PDE4D: variants seen among roughly 807,000 people sequenced by gnomAD.
The protein encoded by PDE4D is phosphodiesterase 4D, also known as 3',5'-cyclic-AMP phosphodiesterase 4D.
PDE4D carries 24 observed loss-of-function variants against 87.4 expected under a neutral mutation model. The observed-to-expected ratio is 0.27, with a 90% CI of 0.20 to 0.39. The LOEUF (loss-of-function observed/expected upper bound fraction) is 0.39, where lower values mean the gene tolerates loss of function less well. Ranked by LOEUF, PDE4D falls within the 10% of genes least tolerant of loss-of-function variation. The pLI is 1.00. For synonymous variants in PDE4D, 384 were observed against 383.2 expected (o/e 1.00, Z -0.02); for missense variants, 714 against 1,041.0 (o/e 0.69, Z 4.32).
intron 1 of PDE4D, among the ~76,000 whole-genome samples, chr5:59,461,180 G>T (rs1800719469): frequency 6.6e-6 from 1 of 150,874 alleles, no homozygotes; most frequent in Non-Finnish European, 1.5e-5. Context: ...GAAATTTTAG[G>T]TAAAAAAAAA....
intron 1 of PDE4D, among the ~76,000 whole-genome samples, chr5:60,239,831 CT>C (rs1746874725): frequency 6.6e-6 from 1 of 151,942 alleles, no homozygotes; most frequent in African/African-American, 2.4e-5. Context: ...TTTTCCTGAA[CT>C]TTTGTATTAT....
chr5:60,366,951 G>T (rs954535276), intron 1 of PDE4D, among the ~76,000 whole-genome samples: 2 of 152,048 alleles, frequency 1.3e-5, no homozygotes, highest in African/African-American at 4.8e-5. Context: ...TTTGAAAAAG[G>T]GAAATAAGTG....
chr5:59,490,568 A>T (rs1416705939), intron 1 of PDE4D, among the ~76,000 whole-genome samples: 1 of 152,242 alleles, frequency 6.6e-6, no homozygotes, highest in Non-Finnish European at 1.5e-5. Context: ...ATGTTCATAC[A>T]CATAATGTAA....
chr5:60,491,247 A>G (rs547970633), upstream of PDE4D: 38 of 152,234 alleles, frequency 2.5e-4, no homozygotes, highest in Non-Finnish European at 1.6e-4. Flanking sequence ...TTTAATTCAA[A>G]TTAAAAATCA....
chr5:59,172,137 A>C (rs1246371208), intron 5 of PDE4D, among the ~76,000 whole-genome samples: 1 of 94,714 alleles, frequency 1.1e-5, no homozygotes, highest in East Asian at 2.7e-4. Flanking sequence ...TATATATAAT[A>C]AATATATAAT....
chr5:60,502,256 G>A (rs978113218), intron 1 of PDE4D, among the ~76,000 whole-genome samples: 1 of 152,192 alleles, frequency 6.6e-6, no homozygotes, highest in African/African-American at 2.4e-5. Context: ...TTATTAAATA[G>A]GGAATCCTTT....
At chr5:59,948,588 A>T (rs1757945806) in intron 3 of PDE4D, among the ~76,000 whole-genome samples, 1 of 152,208 alleles carries the variant, frequency 6.6e-6, no homozygotes, top group Non-Finnish European at 1.5e-5. Context: ...AACTATTGTG[A>T]AGTTGAAAGC....
chr5:59,216,040 G>A (rs1045559294), intron 1 of PDE4D, 72 bp from the exon 2 acceptor site: 46 of 1,080,472 alleles, frequency 4.3e-5, no homozygotes, highest in Non-Finnish European at 5.4e-5. Context: ...AGCATTTAGC[G>A]TCAGCTGAGG....
intron 1 of PDE4D, among the ~76,000 whole-genome samples, chr5:60,186,439 A>G (rs1784787779): frequency 6.6e-6 from 1 of 152,168 alleles, no homozygotes; most frequent in South Asian, 2.1e-4. Flanking sequence ...GAAAGAACAA[A>G]TCGAATAGCT....
intron 1 of PDE4D, among the ~76,000 whole-genome samples, chr5:59,368,168 TA>T (rs1294712241): frequency 2.0e-5 from 3 of 152,170 alleles, no homozygotes; most frequent in Non-Finnish European, 2.9e-5. Context: ...AATGTGCACA[TA>T]AATATTCCAC....
At chr5:60,014,720 AAAG>A (rs567472030) in intron 2 of PDE4D, among the ~76,000 whole-genome samples, 2 of 152,232 alleles carry the variant, frequency 1.3e-5, no homozygotes, top group Non-Finnish European at 2.9e-5. Flanking sequence ...CAAAGTTTAA[AAAG>A]AAGCTGTGCC....
At chr5:59,068,183 A>T (rs1312358026) in intron 5 of PDE4D, among the ~76,000 whole-genome samples, 1 of 152,134 alleles carries the variant, frequency 6.6e-6, no homozygotes, top group Non-Finnish European at 1.5e-5. Context: ...TTCATAAGTA[A>T]AGCTTGTCCC....
chr5:60,060,881 T>G (rs908049868), intron 2 of PDE4D, among the ~76,000 whole-genome samples: 5 of 151,982 alleles, frequency 3.3e-5, no homozygotes, highest in Admixed American at 1.3e-4. Flanking sequence ...AAATTCAACA[T>G]CCTTTCATGA....
At chr5:59,718,342 T>C (rs891582812) in intron 1 of PDE4D, among the ~76,000 whole-genome samples, 3 of 152,210 alleles carry the variant, frequency 2.0e-5, no homozygotes, top group African/African-American at 7.2e-5. Context: ...ATAAGACTGT[T>C]GAAGAAAACT....
chr5:60,027,400 G>T (rs1241404573), intron 2 of PDE4D, among the ~76,000 whole-genome samples: 1 of 152,132 alleles, frequency 6.6e-6, no homozygotes, highest in Non-Finnish European at 1.5e-5. Flanking sequence ...GAAAGGACAT[G>T]ACTTTGTTCT....
intron 1 of PDE4D, among the ~76,000 whole-genome samples, chr5:59,535,975 C>G (rs924330301): frequency 7.9e-5 from 12 of 152,108 alleles, no homozygotes; most frequent in African/African-American, 2.7e-4. Context: ...TAATATAGCA[C>G]AGTAACATTA....
At chr5:59,406,908 T>A (rs1791773053) in intron 1 of PDE4D, among the ~76,000 whole-genome samples, 1 of 152,234 alleles carries the variant, frequency 6.6e-6, no homozygotes. Context: ...ATCATTATTT[T>A]CATTTGTTTG....
Position 59,120,003 on chromosome 5 carries a change from C to T in PDE4D, c.808+60592G>A, listed in dbSNP as rs367852732. Among the ~76,000 whole-genome samples the T allele has an allele frequency of 5.3e-4, 81 of 152,068 alleles. 1 individual carries two copies. The South Asian group carries it at 0.016, about 30-fold the overall frequency. On this transcript the variant is annotated intron_variant, in intron 5 of 14. Transcript: ENST00000340635. ...GGGACTGCAGACATGCACTACTCTG[C>T]TTGGCTAATTTTTTTATTCTTAGTA...
chr5:59,582,602 C>A (rs1385915994), intron 1 of PDE4D, among the ~76,000 whole-genome samples: 1 of 151,932 alleles, frequency 6.6e-6, no homozygotes, highest in African/African-American at 2.4e-5. Flanking sequence ...GGATTTAGAT[C>A]AAAACAGAAT....
Sources: allele counts gnomAD v4.1 joint callset (sites outside exome capture counted in the v4.1 genomes callset), GRCh38; gene constraint gnomAD v4.1.1; transcripts MANE v1.5; gene names NCBI Gene and HGNC (gene_info 2026-07-23, HGNC 2026-07-21).